The following GIP variants were observed in gnomAD, a reference collection of about 807,000 sequenced individuals.
GIP encodes glucose-dependent insulinotropic polypeptide.
GIP carries 16 observed loss-of-function variants against 18.1 expected under a neutral mutation model. The observed-to-expected ratio is 0.88, with a 90% CI of 0.60 to 1.34. The LOEUF is 1.34. Ranked by LOEUF, GIP falls within the 40% of genes most tolerant of loss-of-function variation. GIP has a pLI of 0.00. For missense variants in GIP, 192 were observed against 183.4 expected, an observed-to-expected ratio of 1.05 and a Z score of -0.27; for synonymous variants, 76 against 74.0, an observed-to-expected ratio of 1.03 and a Z score of -0.14.
intron 5 of GIP, 60 bp downstream of exon 5, chr17:48,960,826 A>T (rs1277931607): frequency 2.0e-6 from 2 of 1,002,846 alleles, no homozygotes; most frequent in Non-Finnish European, 3.1e-6. Context: ...CAAAGATCTG[A>T]ATCCATGTCT....
intron 5 of GIP, 25 bp from the exon 6 acceptor site, chr17:48,958,741 G>T (rs1297180913): frequency 6.4e-7 from 1 of 1,571,994 alleles, no homozygotes; most frequent in South Asian, 1.2e-5. Context: ...GAAAGGAGAA[G>T]AAGGTTGTTA....
chr17:48,964,239 G>C (rs2411761), intron 3 of GIP, 71 bp downstream of exon 3: 1 of 1,174,278 alleles, frequency 8.5e-7, no homozygotes. Context: ...GGCCACAGCC[G>C]GTGGCCTCCT....
At chr17:48,964,966 C>T (rs1162343008) in intron 2 of GIP, among the ~76,000 whole-genome samples, 3 of 151,344 alleles carry the variant, frequency 2.0e-5, no homozygotes, top group Non-Finnish European at 4.4e-5. Context: ...AGTGAAACCC[C>T]GTCTCTACTA....
intron 4 of GIP, 130 bp from the exon 5 acceptor site, chr17:48,961,117 G>A (rs919638365): frequency 4.3e-5 from 26 of 606,630 alleles, no homozygotes; most frequent in Middle Eastern, 4.4e-4. Context: ...CTATCTCTCC[G>A]TTGGCTCAGC....
chr17:48,960,684 T>C (rs2041195736), intron 5 of GIP, among the ~76,000 whole-genome samples: 1 of 152,160 alleles, frequency 6.6e-6, no homozygotes. Context: ...TTGTTTTTTT[T>C]CTTTGTATTT....
At chr17:48,961,060 G>A in intron 4 of GIP, 73 bp from the exon 5 acceptor site, 1 of 1,023,796 alleles carries the variant, frequency 9.8e-7, no homozygotes, top group Non-Finnish European at 1.4e-6. Context: ...CAGGGTTGGG[G>A]ACACCACTGA....
intron 2 of GIP, among the ~76,000 whole-genome samples, chr17:48,965,499 G>A (rs2041231425): frequency 6.6e-6 from 1 of 151,092 alleles, no homozygotes; most frequent in South Asian, 2.1e-4. Flanking sequence ...CAGCTACTTG[G>A]GAGGCTGAGG....
intron 3 of GIP, among the ~76,000 whole-genome samples, chr17:48,963,227 T>C (rs1402216684): frequency 6.6e-6 from 1 of 151,672 alleles, no homozygotes; most frequent in Non-Finnish European, 1.5e-5. Flanking sequence ...CCTTGCCTGG[T>C]GAAAGGTGCC....
chr17:48,967,820 G>A (rs1375522402), intron 1 of GIP, among the ~76,000 whole-genome samples: 1 of 151,340 alleles, frequency 6.6e-6, no homozygotes, highest in Non-Finnish European at 1.5e-5. Flanking sequence ...GGGAGGCCCA[G>A]GTGGGCGGAT....
intron 2 of GIP, among the ~76,000 whole-genome samples, chr17:48,966,521 C>T (rs1035616706): frequency 2.0e-5 from 3 of 151,288 alleles, no homozygotes; most frequent in Non-Finnish European, 4.4e-5. Flanking sequence ...TGTGCCACCA[C>T]ACTCCAGCCT....
chr17:48,960,871 AC>A lies in GIP; in HGVS notation c.452+14del. ...GCTCAAGTTAGAACCGCTGTGCAAC[AC>A]CACACTCCCCTACCTGAGCCTGCAG... On this transcript the variant is annotated intron_variant, in intron 5 of 5. Transcript: ENST00000357424. 6.6e-7 allele frequency: 1 copy of A among 1,518,752 alleles called. No homozygotes were observed. The highest frequency in any genetic ancestry group is 1.4e-5 in the African/African-American group (1 of 73,480). 94.1% of individuals were successfully genotyped at this position (1,518,752 alleles called of 1,614,324 possible). A position where few individuals can be genotyped will look rare whatever the true frequency, so the allele number is the denominator to read the frequency against.
In GIP at chr17:48,958,702, CAG is replaced by C; in HGVS notation, c.*3_*4del. 1.3e-6 allele frequency: 2 copies of C among 1,581,976 alleles called. No homozygotes were observed. Among genetic ancestry groups the C allele is most frequent in the Non-Finnish European group, 1.7e-6 (2 of 1,164,096 alleles). On this transcript the variant is annotated 3_prime_UTR_variant, in exon 6 of 6. Transcript: ENST00000357424. Reference sequence around the variant, plus strand: ...AATCCAGTCCTGAGCTGGGTGTGGTCAGAGTCACCGAGACCTGGGGAGAGTGG... The same window carrying C: ...AATCCAGTCCTGAGCTGGGTGTGGTCAGTCACCGAGACCTGGGGAGAGTGG...
intron 3 of GIP, among the ~76,000 whole-genome samples, chr17:48,962,099 TGGCTGTATTGCCCA>T (rs747311195): frequency 1.3e-5 from 2 of 152,220 alleles, no homozygotes; most frequent in African/African-American, 4.8e-5. Context: ...AGACAGGGTC[TGGCTGTATTGCCCA>T]GGCTGGAGTG....
At chr17:48,961,872 G>C in intron 3 of GIP, 53 bp from the exon 4 acceptor site, 1 of 1,274,886 alleles carries the variant, frequency 7.8e-7, no homozygotes, top group Non-Finnish European at 1.1e-6. Flanking sequence ...CCAGTCTAGG[G>C]ACACTTGAAT....
At chr17:48,967,543 A>G (rs1186805319) in intron 1 of GIP, among the ~76,000 whole-genome samples, 1 of 151,372 alleles carries the variant, frequency 6.6e-6, no homozygotes, top group Admixed American at 6.6e-5. Context: ...TATTTTTAGT[A>G]GAGACAGGGT....
At chr17:48,958,775 A>G in intron 5 of GIP, 59 bp from the exon 6 acceptor site, 1 of 1,426,296 alleles carries the variant, frequency 7.0e-7, no homozygotes. Flanking sequence ...GGCCAAGCAC[A>G]TTTATCCTGG....
At chr17:48,965,821 G>T (rs533108005) in intron 2 of GIP, among the ~76,000 whole-genome samples, 1 of 152,146 alleles carries the variant, frequency 6.6e-6, no homozygotes, top group East Asian at 1.9e-4. Flanking sequence ...TATGAGGTAG[G>T]TTCTATTTAT....
chr17:48,964,948 G>T (rs2041227206), intron 2 of GIP, among the ~76,000 whole-genome samples: 1 of 151,726 alleles, frequency 6.6e-6, no homozygotes, highest in South Asian at 2.1e-4. Flanking sequence ...GACCATCCTG[G>T]CTAACACAGT....
intron 2 of GIP, among the ~76,000 whole-genome samples, chr17:48,966,150 T>C (rs1268922028): frequency 2.1e-5 from 3 of 146,064 alleles, no homozygotes; most frequent in African/African-American, 7.7e-5. Flanking sequence ...CCCAGCTGCT[T>C]GGGAGGCTAA....
Sources: gnomAD v4.1 joint callset for allele counts (sites outside exome capture counted in the v4.1 genomes callset) on GRCh38, gnomAD v4.1.1 for gene constraint, MANE v1.5 for transcripts, NCBI Gene and HGNC (gene_info 2026-07-23, HGNC 2026-07-21) for gene names.